VPS13A: variants seen among roughly 807,000 people sequenced by gnomAD.
VPS13A encodes the protein intermembrane lipid transfer protein VPS13A.
A neutral mutation model predicts 390.9 loss-of-function variants in VPS13A; 264 were observed. The ratio of observed to expected loss-of-function variants is 0.68; its 90% CI spans 0.61 to 0.75. VPS13A has a LOEUF of 0.75. VPS13A is among the 30% of genes least tolerant of loss of function. The pLI is 0.00. For missense variants in VPS13A, 3,409 were observed against 3,733.9 expected, an observed-to-expected ratio of 0.91 and a Z score of 2.27; for synonymous variants, 1,231 against 1,227.1, an observed-to-expected ratio of 1.00 and a Z score of -0.07.
At chr9:77,284,969 T>C (rs1432556038) in intron 31 of VPS13A, among the ~76,000 whole-genome samples, 1 of 152,104 alleles carries the variant, frequency 6.6e-6, no homozygotes, top group Admixed American at 6.6e-5. Context: ...CCTCCCAAAA[T>C]GCTGGTATTA....
intron 10 of VPS13A, among the ~76,000 whole-genome samples, chr9:77,219,663 AT>A (rs958949604): frequency 0.012 from 1,867 of 150,030 alleles, 36 homozygotes; most frequent in African/African-American, 0.043. Context: ...TATTTTTTTG[AT>A]TTTTTTTTTC....
chr9:77,208,217 T>C (rs928379242), intron 5 of VPS13A, among the ~76,000 whole-genome samples: 8 of 152,174 alleles, frequency 5.3e-5, no homozygotes, highest in African/African-American at 1.9e-4. Context: ...TTGTATTCTG[T>C]TGTCTACTTA....
At chr9:77,387,911 A>G (rs1359277548) in intron 68 of VPS13A, among the ~76,000 whole-genome samples, 2 of 152,190 alleles carry the variant, frequency 1.3e-5, no homozygotes, top group South Asian at 2.1e-4. Flanking sequence ...AAGATTATAA[A>G]TGACTGCTAT....
chr9:77,256,456 G>A (rs1825450046), intron 22 of VPS13A, among the ~76,000 whole-genome samples: 1 of 152,088 alleles, frequency 6.6e-6, no homozygotes, highest in Non-Finnish European at 1.5e-5. Context: ...TGAGAAAAAT[G>A]TCTATTTTCC....
At chr9:77,342,202 A>G (rs1563941101) in intron 50 of VPS13A, among the ~76,000 whole-genome samples, 1 of 152,158 alleles carries the variant, frequency 6.6e-6, no homozygotes, top group Non-Finnish European at 1.5e-5. Flanking sequence ...AACACAAACC[A>G]CAATGAAAGT....
intron 34 of VPS13A, among the ~76,000 whole-genome samples, chr9:77,307,718 T>C (rs1828839247): frequency 6.6e-6 from 1 of 152,224 alleles, no homozygotes; most frequent in South Asian, 2.1e-4. Context: ...TAGTTCTTTA[T>C]TCATAACTTC....
chr9:77,357,331 A>AG (rs1831859709), intron 55 of VPS13A, among the ~76,000 whole-genome samples: 1 of 129,854 alleles, frequency 7.7e-6, no homozygotes, highest in South Asian at 2.8e-4. Flanking sequence ...AAAAAAAAAA[A>AG]AAAAAAAAAA....
intron 1 of VPS13A, among the ~76,000 whole-genome samples, chr9:77,193,827 A>G (rs767514010): frequency 5.9e-5 from 9 of 152,022 alleles, no homozygotes; most frequent in African/African-American, 1.2e-4. Flanking sequence ...ATATTCTTGG[A>G]TGCCCCAAGG....
intron 68 of VPS13A, among the ~76,000 whole-genome samples, chr9:77,402,858 A>T (rs1488068450): frequency 6.6e-6 from 1 of 152,216 alleles, no homozygotes; most frequent in Non-Finnish European, 1.5e-5. Flanking sequence ...TATGTGATGC[A>T]TATGTTTAGA....
intron 17 of VPS13A, among the ~76,000 whole-genome samples, chr9:77,231,312 C>T (rs537677735): frequency 6.6e-6 from 1 of 152,170 alleles, no homozygotes; most frequent in Admixed American, 6.5e-5. Flanking sequence ...TTCTGTTCTT[C>T]GAAGGAAGTG....
At chr9:77,415,417 G>A (rs977116378) in intron 71 of VPS13A, among the ~76,000 whole-genome samples, 1 of 152,132 alleles carries the variant, frequency 6.6e-6, no homozygotes, top group African/African-American at 2.4e-5. Flanking sequence ...TCACCTCCGT[G>A]GCTTTTATCT....
Position 77,314,594 on chromosome 9 carries a change from T to C in VPS13A, c.4342T>C (p.Phe1448Leu). ...TLKMYTDGST[F>L]SSFSLKNCIL... The stretch of plus-strand genomic sequence containing the variant: ...AAAAATGTATACAGATGGCTCAACA[T>C]TTTCTTCCTTCTCATTAAAAAACTG... Residue 1448 changes from phenylalanine (F) to leucine (L), a missense_variant, in exon 37 of 72, where the codon TTT (phenylalanine) becomes CTT (leucine). This residue lies in a region of VPS13A where 2,717 missense variants were observed against 2,917.4 expected (regional missense o/e 0.93). Coordinates refer to ENST00000360280, the MANE Select transcript of VPS13A (RefSeq NM_033305.3). The C allele has an allele frequency of 6.2e-7, 1 of 1,611,800 alleles. No individual in the cohort carries two copies. The highest frequency in any genetic ancestry group is 1.1e-5 in the South Asian group (1 of 90,860).
In VPS13A at chr9:77,250,200, C is replaced by G; in HGVS notation, c.2141C>G (p.Thr714Arg). 1 of 1,613,742 alleles carries G rather than the reference C, an allele frequency of 6.2e-7. No homozygotes were observed. Residue 714 changes from threonine to arginine, a missense_variant, in exon 21 of 72, where the codon ACA (threonine) becomes AGA (arginine). This residue lies in a region of VPS13A where 2,717 missense variants were observed against 2,917.4 expected (regional missense o/e 0.93). Coordinates refer to ENST00000360280, the MANE Select transcript of VPS13A (RefSeq NM_033305.3). The stretch of plus-strand genomic sequence containing the variant: ...TATGATTCATTTGATATTCAACTTA[C>G]AAGTGTACAGCTGCTTTACAGTAGA... ...RAYDSFDIQLTSVQLLYSRVG... is the reference protein window; with the variant it reads ...RAYDSFDIQLRSVQLLYSRVG...
At chr9:77,333,452 A>G (rs1327936435) in intron 46 of VPS13A, among the ~76,000 whole-genome samples, 3 of 93,330 alleles carry the variant, frequency 3.2e-5, no homozygotes, top group Non-Finnish European at 4.2e-5. Context: ...TTTTTTTGAG[A>G]TGGAGTTTCG....
rs28564342 is a variant in VPS13A at position 77,421,180 on chromosome 9, T to C, written c.*5174T>C. 2 of 152,214 alleles carry C rather than the reference T, an allele frequency of 1.3e-5. No individual in the cohort carries two copies. The highest frequency in any genetic ancestry group is 1.5e-5 in the Non-Finnish European group (1 of 68,032). 9.4% of individuals were successfully genotyped at this position (152,214 alleles called of 1,614,324 possible). A position where few individuals can be genotyped will look rare whatever the true frequency, so the allele number is the denominator to read the frequency against. ...TCTTTCTTTGATGAAAATACGGTCA[T>C]TGATTATGATAATTTTAAAAATATC... On this transcript the variant is annotated 3_prime_UTR_variant, in exon 72 of 72. Transcript: ENST00000360280.
At chr9:77,335,717 G>A (rs998567186) in intron 46 of VPS13A, among the ~76,000 whole-genome samples, 5 of 152,196 alleles carry the variant, frequency 3.3e-5, no homozygotes, top group African/African-American at 4.8e-5. Flanking sequence ...ATGTTGGAGA[G>A]GATGTGGAGA....
intron 23 of VPS13A, among the ~76,000 whole-genome samples, chr9:77,270,868 T>G (rs894979427): frequency 6.6e-6 from 1 of 152,148 alleles, no homozygotes; most frequent in Non-Finnish European, 1.5e-5. Flanking sequence ...GAATTTAACT[T>G]GAAGCATAGA....
At chr9:77,200,076 T>A in intron 2 of VPS13A, 88 bp downstream of exon 2, 1 of 1,235,304 alleles carries the variant, frequency 8.1e-7, no homozygotes, top group Non-Finnish European at 1.1e-6. Context: ...TTAAATTATT[T>A]AAATTTGAGA....
At chr9:77,358,717 C>A (rs1034130605) in intron 57 of VPS13A, among the ~76,000 whole-genome samples, 1 of 152,070 alleles carries the variant, frequency 6.6e-6, no homozygotes, top group Non-Finnish European at 1.5e-5. Flanking sequence ...ATTTAAAAAC[C>A]TTTAAAGCCT....
Sources: allele counts gnomAD v4.1 joint callset (sites outside exome capture counted in the v4.1 genomes callset), GRCh38; gene constraint gnomAD v4.1.1; regional missense constraint gnomAD v4.1.1; transcripts MANE v1.5; gene names NCBI Gene and HGNC (gene_info 2026-07-23, HGNC 2026-07-21).